The following UCP2 variants were observed in gnomAD, a reference collection of about 807,000 sequenced individuals.
The protein encoded by UCP2 is dicarboxylate carrier SLC25A8.
In UCP2, 27 loss-of-function variants were observed where a neutral mutation model predicts 31.3. That is an observed-to-expected ratio of 0.86 (90% CI 0.64 to 1.19). UCP2 has a LOEUF of 1.19. UCP2 is among the 50% of genes most tolerant of loss of function. UCP2 has a pLI of 0.00. For missense variants in UCP2, 377 were observed against 413.5 expected (o/e 0.91, Z 0.76); for synonymous variants, 142 against 157.4 (o/e 0.90, Z 0.73).
chr11:73,974,918 G>C lies in UCP2; in HGVS notation c.*89C>G. On this transcript the variant is annotated 3_prime_UTR_variant, in exon 8 of 8. Transcript: ENST00000663595. ...TGGGGAAAGAGGGAAGGAGAGAAGGGAAGGAGGGAAGAGAAAGAAGGAAGA... is the reference window on the plus strand; with the variant it reads ...TGGGGAAAGAGGGAAGGAGAGAAGGCAAGGAGGGAAGAGAAAGAAGGAAGA... 3 of 770,056 alleles carry C rather than the reference G, an allele frequency of 3.9e-6. No individual in the cohort carries two copies. The highest frequency in any genetic ancestry group is 6.0e-6 in the Non-Finnish European group (3 of 496,464). 47.7% of individuals were successfully genotyped at this position (770,056 alleles called of 1,614,324 possible).
At chr11:73,981,854 T>A (rs974243422) in intron 1 of UCP2, among the ~76,000 whole-genome samples, 1 of 149,532 alleles carries the variant, frequency 6.7e-6, no homozygotes, top group Admixed American at 6.6e-5. Flanking sequence ...TCCAGACTTC[T>A]GCTTTTGTAA....
At chr11:73,979,564 C>CA (rs769193946) in intron 2 of UCP2, among the ~76,000 whole-genome samples, 7 of 150,870 alleles carry the variant, frequency 4.6e-5, no homozygotes, top group Non-Finnish European at 7.4e-5. Flanking sequence ...GACAAACAAA[C>CA]AAAAAAAAAC....
chr11:73,975,144 C>T, intron 7 of UCP2, 23 bp from the exon 8 acceptor site: 3 of 1,588,384 alleles, frequency 1.9e-6, no homozygotes, highest in Non-Finnish European at 2.6e-6. Flanking sequence ...AATCACAGGT[C>T]ATGGGGGCAC....
Position 73,976,818 on chromosome 11 carries a change from C to T in UCP2, c.532+5G>A. On this transcript the variant is annotated splice_donor_5th_base_variant and intron_variant, in intron 5 of 7. Transcript: ENST00000663595. ...AAAGGGGAAGGGAAAACAACTGGTA[C>T]ACACCTTTCCAGAGGCCCCGGAACC... 1.2e-6 allele frequency: 2 copies of T among 1,614,238 alleles called. No individual in the cohort carries two copies. The highest frequency in any genetic ancestry group is 1.7e-6 in the Non-Finnish European group (2 of 1,180,030).
Position 73,977,034 on chromosome 11 carries a change from G to A in UCP2, c.338-17C>T. On this transcript the variant is annotated splice_polypyrimidine_tract_variant and intron_variant, in intron 4 of 7. Transcript: ENST00000663595. Reference sequence around the variant, plus strand: ...TGCTGGCATCTGTGGGCGAGCCATGGGGTCAGTGGCCAGCGGGCTTGCACT... The same window carrying A: ...TGCTGGCATCTGTGGGCGAGCCATGAGGTCAGTGGCCAGCGGGCTTGCACT... The A allele has an allele frequency of 6.3e-7, 1 of 1,590,862 alleles. No homozygotes were observed. The highest frequency in any genetic ancestry group is 8.6e-7 in the Non-Finnish European group (1 of 1,165,930).
chr11:73,976,201 C>T (rs1330153895), intron 6 of UCP2, among the ~76,000 whole-genome samples: 1 of 152,108 alleles, frequency 6.6e-6, no homozygotes, highest in East Asian at 1.9e-4. Flanking sequence ...TCCATCTCTA[C>T]TAAAAATACA....
rs752327138 is a variant in UCP2 at position 73,977,032 on chromosome 11, T to TGGGGTCA, written c.338-22_338-16dup. 8 of 1,590,690 alleles carry TGGGGTCA rather than the reference T, an allele frequency of 5.0e-6. No individual in the cohort carries two copies. The East Asian group carries it at 1.6e-4, about 31-fold the overall frequency. ...AATGCTGGCATCTGTGGGCGAGCCATGGGGTCAGTGGCCAGCGGGCTTGCA... is the reference window on the plus strand; with the variant it reads ...AATGCTGGCATCTGTGGGCGAGCCATGGGGTCAGGGGTCAGTGGCCAGCGGGCTTGCA... On this transcript the variant is annotated splice_polypyrimidine_tract_variant and intron_variant, in intron 4 of 7. Coordinates refer to ENST00000663595, the MANE Select transcript of UCP2 (RefSeq NM_003355.3).
chr11:73,983,119 C>G (rs1014868130), upstream of UCP2: 1 of 152,478 alleles, frequency 6.6e-6, no homozygotes, highest in Non-Finnish European at 1.5e-5. Context: ...GGCCGCCAAC[C>G]TCTGTGAGGA....
Position 73,974,862 on chromosome 11 carries a change from A to G in UCP2, c.*145T>C. 1.3e-6 allele frequency: 1 copy of G among 748,084 alleles called. No homozygotes were observed. The highest frequency in any genetic ancestry group is 2.4e-6 in the Non-Finnish European group (1 of 420,532). The allele number at this position is 748,084 out of a possible 1,614,324, so 46.3% of individuals were successfully genotyped here. A position where few individuals can be genotyped will look rare whatever the true frequency, so the allele number is the denominator to read the frequency against. On this transcript the variant is annotated 3_prime_UTR_variant, in exon 8 of 8. Transcript: ENST00000663595. ...GTAGATGAGAATGTAGAAAGAGGGA[A>G]GGTGGTAGGTAAAGGAGCGGAAGGA...
chr11:73,975,073 G>A lies in UCP2; in HGVS notation c.864C>T (p.Phe288=), dbSNP rs200782628. The change falls in exon 8 of 8, where the codon TTC becomes TTT. Residue 288 remains phenylalanine (F), a synonymous_variant. Transcript: ENST00000663595. ...CTCGTTTCAGCTGCTCATAGGTGAC[G>A]AACATCACCACGTTCCAGGAACCCA... ...LRLGSWNVVM[F]VTYEQLKRAL... is the part of the protein sequence containing the mutation. 1.1e-5 allele frequency: 18 copies of A among 1,613,806 alleles called. No individual in the cohort carries two copies. Among genetic ancestry groups the A allele is most frequent in the African/African-American group, 6.7e-5 (5 of 74,986 alleles).
chr11:73,977,169 A>G (rs1400979999), intron 4 of UCP2, 152 bp from the exon 5 acceptor site: 4 of 736,838 alleles, frequency 5.4e-6, no homozygotes, highest in Non-Finnish European at 8.6e-6. Context: ...TGCTGTAAGA[A>G]CTCCTCACAT....
chr11:73,975,830 G>A (rs1236611666), intron 6 of UCP2, among the ~76,000 whole-genome samples, 159 bp from the exon 7 acceptor site: 3 of 152,196 alleles, frequency 2.0e-5, no homozygotes, highest in African/African-American at 4.8e-5. Context: ...TTTGGAGGCC[G>A]AGGTGGGTGG....
chr11:73,982,977 C>G (rs1265307325), upstream of UCP2: 1 of 152,328 alleles, frequency 6.6e-6, no homozygotes, highest in Non-Finnish European at 1.5e-5. Context: ...TCCGCGGGGA[C>G]CGCCCCGCCT....
rs374858664 is a variant in UCP2, at chr11:73,976,121, T to C, written c.635-450A>G. ...GGCTCACACCTGTAATCCCAGCACA[T>C]TGGGAGGCCAAGGTGGGCAGATCAC... is the stretch of plus-strand genomic sequence containing the variant. On this transcript the variant is annotated intron_variant, in intron 6 of 7. Transcript: ENST00000663595. 2.5e-3 allele frequency among the ~76,000 whole-genome samples: 385 copies of C among 152,196 alleles called. 20 individuals carry two copies. In the South Asian group the frequency reaches 0.075, roughly 30 times the overall value.
chr11:73,975,809 C>T (rs553853379), intron 6 of UCP2, 138 bp from the exon 7 acceptor site: 3 of 1,075,304 alleles, frequency 2.8e-6, no homozygotes, highest in Admixed American at 2.1e-5. Flanking sequence ...TGCCTGTAAT[C>T]CAGGACTTCT....
Position 73,978,078 on chromosome 11 carries a change from CCT to C in UCP2, c.143_144del (p.Gln48ArgfsTer25), listed in dbSNP as rs770840871. ...GCGCTGGCTGTAGCGCGCACTGGCC[CCT>C]GACTTTCTCCTTGGATCTGCAAGGC... ...KVRLQIQGES[Q>X]GPVRATASAQ... On this transcript the variant is annotated frameshift_variant, in exon 4 of 8. Transcript: ENST00000663595. LOFTEE classifies it high-confidence loss of function. The C allele has an allele frequency of 1.6e-5, 26 of 1,614,126 alleles. 1 individual carries two copies. Among genetic ancestry groups the C allele is most frequent in the South Asian group, 9.9e-5 (9 of 91,086 alleles).
At chr11:73,975,761 G>T (rs1291067104) in intron 6 of UCP2, 90 bp from the exon 7 acceptor site, 17 of 1,500,912 alleles carry the variant, frequency 1.1e-5, no homozygotes, top group Non-Finnish European at 1.8e-6. Context: ...GAGTTTTCAT[G>T]ATTTTAAAGA....
intron 3 of UCP2, 78 bp from the exon 4 acceptor site, chr11:73,978,174 A>G (rs750658750): frequency 6.2e-7 from 1 of 1,613,680 alleles, no homozygotes; most frequent in African/African-American, 1.3e-5. Flanking sequence ...TGCTCCAAAC[A>G]CTGGCCCTTG....
At position 73,976,932 on chromosome 11, in the gene UCP2, C is replaced by A. The variant is rs755289416; in HGVS notation, c.423G>T (p.Lys141Asn). 5.0e-6 allele frequency: 8 copies of A among 1,613,046 alleles called. No homozygotes were observed. Among genetic ancestry groups the A allele is most frequent in the Non-Finnish European group, 5.9e-6 (7 of 1,179,092 alleles). ...CCCGGGCCTGAGCTTGGAATCGGAC[C>A]TTTACCACATCCGTGGGCTGGGCCA... ...VAVAQPTDVV[K>N]VRFQAQARAG... is the part of the protein sequence containing the mutation. Residue 141 changes from lysine (K) to asparagine (N), a missense_variant, in exon 5 of 8, where the codon AAG (lysine) becomes AAT (asparagine). Coordinates refer to ENST00000663595, the MANE Select transcript of UCP2 (RefSeq NM_003355.3).
Sources: allele counts gnomAD v4.1 joint callset (sites outside exome capture counted in the v4.1 genomes callset), GRCh38; gene constraint gnomAD v4.1.1; transcripts MANE v1.5; gene names NCBI Gene and HGNC (gene_info 2026-07-23, HGNC 2026-07-21).